AGBL4: variants seen among roughly 807,000 people sequenced by gnomAD.
The protein encoded by AGBL4 is cytosolic carboxypeptidase 6.
Under a neutral mutation model 66.4 loss-of-function variants are expected in AGBL4, and 58 were observed. The observed-to-expected ratio is 0.87, with a 90% CI of 0.71 to 1.09. The LOEUF (loss-of-function observed/expected upper bound fraction) is 1.09, where lower values mean the gene tolerates loss of function less well. Among genes scored for constraint, AGBL4 ranks in the 50% least tolerant of loss-of-function variants. AGBL4 has a pLI of 0.00. For missense variants in AGBL4, 579 were observed against 631.0 expected, an observed-to-expected ratio of 0.92 and a Z score of 0.88; for synonymous variants, 234 against 222.9, an observed-to-expected ratio of 1.05 and a Z score of -0.44.
intron 3 of AGBL4, among the ~76,000 whole-genome samples, chr1:49,667,421 G>A (rs1646392553): frequency 1.3e-5 from 2 of 152,020 alleles, no homozygotes; most frequent in African/African-American, 4.8e-5. Flanking sequence ...TTGCACACCT[G>A]CACTCTAGCC....
intron 1 of AGBL4, among the ~76,000 whole-genome samples, chr1:49,954,284 C>T (rs1270540306): frequency 6.6e-6 from 1 of 151,944 alleles, no homozygotes; most frequent in Non-Finnish European, 1.5e-5. Flanking sequence ...CACCAAAAAG[C>T]ATGTGTTAGA....
At chr1:49,653,434 T>G (rs1172917846) in intron 3 of AGBL4, among the ~76,000 whole-genome samples, 3 of 151,518 alleles carry the variant, frequency 2.0e-5, no homozygotes, top group Non-Finnish European at 4.4e-5. Flanking sequence ...TCACAACACG[T>G]CTCCAGCAAG....
intron 12 of AGBL4, among the ~76,000 whole-genome samples, chr1:48,538,448 C>T (rs143637654): frequency 1.4e-3 from 208 of 152,278 alleles, no homozygotes; most frequent in African/African-American, 4.6e-3. Context: ...AAGAAACTTG[C>T]CTAAGATCCT....
intron 7 of AGBL4, among the ~76,000 whole-genome samples, chr1:48,661,659 C>T (rs925022509): frequency 2.6e-5 from 4 of 152,236 alleles, no homozygotes; most frequent in Non-Finnish European, 5.9e-5. Flanking sequence ...TTCAATTCCT[C>T]TCTGCCTCAG....
chr1:49,341,909 T>C (rs989100756), intron 3 of AGBL4, among the ~76,000 whole-genome samples: 2 of 152,194 alleles, frequency 1.3e-5, no homozygotes, highest in African/African-American at 2.4e-5. Context: ...TTCCTTTTTC[T>C]AACCTTTCTG....
intron 3 of AGBL4, among the ~76,000 whole-genome samples, chr1:49,483,110 A>G (rs755038626): frequency 6.6e-6 from 1 of 152,048 alleles, no homozygotes; most frequent in Non-Finnish European, 1.5e-5. Context: ...CTGGATGGAG[A>G]GTTCCGTAGA....
intron 3 of AGBL4, among the ~76,000 whole-genome samples, chr1:49,382,784 A>G (rs1644650487): frequency 6.6e-6 from 1 of 152,130 alleles, no homozygotes; most frequent in African/African-American, 2.4e-5. Flanking sequence ...CCAATTAAAA[A>G]CCTTTTAGAG....
At chr1:49,037,934 A>G (rs1459173221) in intron 5 of AGBL4, among the ~76,000 whole-genome samples, 1 of 152,114 alleles carries the variant, frequency 6.6e-6, no homozygotes, top group Admixed American at 6.6e-5. Flanking sequence ...TTCAAACTCC[A>G]GTTGCATTAT....
intron 3 of AGBL4, among the ~76,000 whole-genome samples, chr1:49,672,674 A>T (rs535649921): frequency 3.9e-5 from 6 of 152,122 alleles, no homozygotes; most frequent in Admixed American, 2.0e-4. Context: ...TAATCCCAGC[A>T]CTTTGGGAGG....
chr1:49,655,925 G>C (rs1002651092), intron 3 of AGBL4, among the ~76,000 whole-genome samples: 5 of 152,274 alleles, frequency 3.3e-5, no homozygotes, highest in African/African-American at 1.2e-4. Flanking sequence ...GAGGTGGGCA[G>C]ATCATGAGGT....
At chr1:49,689,222 A>G (rs1377684082) in intron 3 of AGBL4, among the ~76,000 whole-genome samples, 1 of 152,132 alleles carries the variant, frequency 6.6e-6, no homozygotes, top group Non-Finnish European at 1.5e-5. Flanking sequence ...GATTTAAATC[A>G]TTAATCTCTT....
intron 4 of AGBL4, among the ~76,000 whole-genome samples, chr1:49,099,228 G>A (rs868794814): frequency 1.3e-5 from 2 of 152,292 alleles, no homozygotes; most frequent in African/African-American, 4.8e-5. Flanking sequence ...AAAGGAACTT[G>A]CAAAGCAGAG....
intron 3 of AGBL4, among the ~76,000 whole-genome samples, chr1:49,359,917 G>A (rs892858540): frequency 2.6e-5 from 4 of 152,152 alleles, no homozygotes; most frequent in Admixed American, 2.6e-4. Context: ...AATCAGGACA[G>A]TCCCAGGCAG....
chr1:48,629,763 A>G (rs1210347860), intron 9 of AGBL4, among the ~76,000 whole-genome samples: 1 of 152,196 alleles, frequency 6.6e-6, no homozygotes, highest in African/African-American at 2.4e-5. Context: ...AGTGTTGGAC[A>G]ATCTCAGCAG....
chr1:49,112,946 C>T (rs547890775), intron 4 of AGBL4, among the ~76,000 whole-genome samples: 1 of 151,458 alleles, frequency 6.6e-6, no homozygotes, highest in Admixed American at 6.6e-5. Context: ...CACAAATCTT[C>T]TTTTTAATTT....
At chr1:48,643,212 A>G (rs1645785033) in intron 8 of AGBL4, among the ~76,000 whole-genome samples, 1 of 152,126 alleles carries the variant, frequency 6.6e-6, no homozygotes, top group African/African-American at 2.4e-5. Context: ...CAATCTGTAA[A>G]CCATACAAGG....
intron 2 of AGBL4, among the ~76,000 whole-genome samples, chr1:49,816,896 G>T (rs1249950118): frequency 6.6e-6 from 1 of 152,184 alleles, no homozygotes; most frequent in Admixed American, 6.5e-5. Flanking sequence ...AAGCCAGGAT[G>T]AGAAAGGTAA....
chr1:48,943,091 A>G (rs1656147809), intron 5 of AGBL4, among the ~76,000 whole-genome samples: 1 of 152,148 alleles, frequency 6.6e-6, no homozygotes, highest in South Asian at 2.1e-4. Flanking sequence ...GCTTCATGGA[A>G]TTTTAAGTCC....
At chr1:49,718,950 A>T (rs1434272097) in intron 2 of AGBL4, among the ~76,000 whole-genome samples, 1 of 152,112 alleles carries the variant, frequency 6.6e-6, no homozygotes, top group African/African-American at 2.4e-5. Flanking sequence ...GTCTTATCTG[A>T]AAACTATCTT....
Sources: gnomAD v4.1 joint callset for allele counts (sites outside exome capture counted in the v4.1 genomes callset) on GRCh38, gnomAD v4.1.1 for gene constraint, MANE v1.5 for transcripts, NCBI Gene and HGNC (gene_info 2026-07-23, HGNC 2026-07-21) for gene names.